The following GNA12 variants were observed in gnomAD, a reference collection of about 807,000 sequenced individuals.
GNA12 encodes the protein guanine nucleotide-binding protein subunit alpha-12.
Under a neutral mutation model 26.0 loss-of-function variants are expected in GNA12, and 9 were observed. That is an observed-to-expected ratio of 0.35 (90% CI 0.21 to 0.60). GNA12 has a LOEUF of 0.60. GNA12 is among the 20% of genes least tolerant of loss of function. The pLI, the probability that GNA12 is intolerant of heterozygous loss-of-function variation, is 0.78. For missense variants in GNA12, 405 were observed against 525.8 expected (o/e 0.77, Z 2.25); for synonymous variants, 264 against 219.6 (o/e 1.20, Z -1.79).
At chr7:2,737,264 G>GTTTTTTTTTTTTTT (rs201866976) in intron 2 of GNA12, among the ~76,000 whole-genome samples, 2 of 52,452 alleles carry the variant, frequency 3.8e-5, no homozygotes, top group Non-Finnish European at 4.0e-5. Context: ...CTATCTCACA[G>GTTTTTTTTTTTTTT]TTTTGTTTTG....
chr7:2,834,971 C>T (rs1778794223), intron 1 of GNA12, among the ~76,000 whole-genome samples: 2 of 151,508 alleles, frequency 1.3e-5, no homozygotes, highest in African/African-American at 4.9e-5. Context: ...CGATGCATGA[C>T]TATACATTGC....
chr7:2,786,354 C>T lies in GNA12; in HGVS notation c.525+8574G>A, dbSNP rs144757802. ...AGAAAAGGGAGTTGGAAAAAACGGG[C>T]GCCTGGCGATAAGACTGGTACGAAT... On this transcript the variant is annotated intron_variant, in intron 2 of 3. Transcript: ENST00000275364. Among the ~76,000 whole-genome samples, 442 of 152,066 alleles carry T rather than the reference C, an allele frequency of 2.9e-3. 3 individuals are homozygous for T. The highest frequency in any genetic ancestry group is 0.01 in the Middle Eastern group (3 of 294).
chr7:2,803,566 C>T (rs1792869333), intron 1 of GNA12, among the ~76,000 whole-genome samples: 1 of 152,140 alleles, frequency 6.6e-6, no homozygotes, highest in Non-Finnish European at 1.5e-5. Flanking sequence ...GCACAATACC[C>T]ACCAGTTCTC....
intron 2 of GNA12, among the ~76,000 whole-genome samples, chr7:2,750,513 A>C (rs1343855598): frequency 6.6e-6 from 1 of 152,230 alleles, no homozygotes; most frequent in Non-Finnish European, 1.5e-5. Flanking sequence ...CCTATGGTCA[A>C]GTTTAATTGA....
At chr7:2,747,778 T>C (rs1790839266) in intron 2 of GNA12, among the ~76,000 whole-genome samples, 1 of 152,130 alleles carries the variant, frequency 6.6e-6, no homozygotes, top group Non-Finnish European at 1.5e-5. Context: ...GAAAACCCCA[T>C]CATCTCAGCC....
intron 2 of GNA12, among the ~76,000 whole-genome samples, chr7:2,783,787 C>T (rs868108408): frequency 6.4e-4 from 98 of 152,002 alleles, no homozygotes; most frequent in African/African-American, 2.3e-3. Context: ...TGGATTCAAG[C>T]GATTCTCTTG....
At chr7:2,831,955 G>T (rs1289596710) in intron 1 of GNA12, among the ~76,000 whole-genome samples, 1 of 152,160 alleles carries the variant, frequency 6.6e-6, no homozygotes, top group African/African-American at 2.4e-5. Flanking sequence ...GGAATACTGT[G>T]TATCTTGTCT....
chr7:2,757,921 TC>T (rs1791380128), intron 2 of GNA12, among the ~76,000 whole-genome samples: 1 of 152,142 alleles, frequency 6.6e-6, no homozygotes, highest in South Asian at 2.1e-4. Context: ...CTGTTCGCTG[TC>T]CCCACATCAG....
chr7:2,748,846 C>A (rs1463880458), intron 2 of GNA12, among the ~76,000 whole-genome samples: 1 of 152,114 alleles, frequency 6.6e-6, no homozygotes, highest in African/African-American at 2.4e-5. Context: ...AAAAAGTGGG[C>A]AAAGGACATG....
chr7:2,734,970 C>T (rs75490376), intron 2 of GNA12, among the ~76,000 whole-genome samples: 3,815 of 152,280 alleles, frequency 0.025, 111 homozygotes, highest in Middle Eastern at 0.075. Flanking sequence ...CCTCGCCAAG[C>T]CCCCGTGATG....
chr7:2,780,052 A>G (rs1455972176), intron 2 of GNA12, among the ~76,000 whole-genome samples: 233 of 4,638 alleles, frequency 0.05, 11 homozygotes, highest in Non-Finnish European at 0.065. Flanking sequence ...TTCTGTGTAC[A>G]TATATATATA....
chr7:2,738,221 C>T (rs1476358132), intron 2 of GNA12, among the ~76,000 whole-genome samples: 1 of 151,908 alleles, frequency 6.6e-6, no homozygotes, highest in African/African-American at 2.4e-5. Context: ...TCGAGACAAG[C>T]CTGGCCAACA....
intron 1 of GNA12, among the ~76,000 whole-genome samples, chr7:2,810,505 T>C (rs1436303752): frequency 6.6e-6 from 1 of 152,148 alleles, no homozygotes; most frequent in East Asian, 1.9e-4. Context: ...ACAAAAACCA[T>C]GCTACAGCCT....
At chr7:2,831,975 T>C (rs1313566733) in intron 1 of GNA12, among the ~76,000 whole-genome samples, 1 of 152,226 alleles carries the variant, frequency 6.6e-6, no homozygotes, top group Non-Finnish European at 1.5e-5. Context: ...TACAAAGATG[T>C]GCAAAATTTT....
intron 1 of GNA12, among the ~76,000 whole-genome samples, chr7:2,802,498 A>C (rs1382314220): frequency 1.3e-5 from 2 of 152,076 alleles, no homozygotes; most frequent in Non-Finnish European, 2.9e-5. Context: ...CCCTAATCAA[A>C]CCAAATCTTT....
chr7:2,735,585 G>A (rs976444677), intron 2 of GNA12, among the ~76,000 whole-genome samples: 7 of 152,144 alleles, frequency 4.6e-5, no homozygotes, highest in African/African-American at 9.7e-5. Context: ...AACACCCCTC[G>A]AGTCTGCAAT....
At chr7:2,837,097 A>G (rs930402624) in intron 1 of GNA12, among the ~76,000 whole-genome samples, 3 of 150,370 alleles carry the variant, frequency 2.0e-5, no homozygotes, top group Non-Finnish European at 4.4e-5. Flanking sequence ...CAGGGATCTC[A>G]CCTCCCATTC....
At chr7:2,741,212 G>C (rs1236066175) in intron 2 of GNA12, among the ~76,000 whole-genome samples, 1 of 152,142 alleles carries the variant, frequency 6.6e-6, no homozygotes, top group Admixed American at 6.5e-5. Context: ...CCTAGACTAG[G>C]TGTGGCGGCA....
rs865785698 is a variant in GNA12, at chr7:2,758,504, G to A, written c.526-25003C>T. On this transcript the variant is annotated intron_variant, in intron 2 of 3. Coordinates refer to ENST00000275364, the MANE Select transcript of GNA12 (RefSeq NM_007353.3). ...TGCAATTTCTTCCCCTGCAGCGTGG[G>A]AGGAAGCTGGAGTGTGATGGAACGT... Among the ~76,000 whole-genome samples, 3 of 152,152 alleles carry A rather than the reference G, an allele frequency of 2.0e-5. 1 individual carries two copies. In the South Asian group the frequency reaches 6.2e-4, roughly 32 times the overall value.
Sources: allele counts gnomAD v4.1 joint callset (sites outside exome capture counted in the v4.1 genomes callset), GRCh38; gene constraint gnomAD v4.1.1; transcripts MANE v1.5; gene names NCBI Gene and HGNC (gene_info 2026-07-23, HGNC 2026-07-21).